The following RASSF5 variants were observed in gnomAD, a reference collection of about 807,000 sequenced individuals.
The protein encoded by RASSF5 is Ras association domain family member 5.
Under a neutral mutation model 40.5 loss-of-function variants are expected in RASSF5, and 25 were observed. The ratio of observed to expected loss-of-function variants is 0.62; its 90% CI spans 0.45 to 0.86. RASSF5 has a LOEUF of 0.86. RASSF5 is among the 40% of genes least tolerant of loss of function. RASSF5 has a pLI of 0.00. For synonymous variants in RASSF5, 246 were observed against 252.4 expected (o/e 0.97, Z 0.24); for missense variants, 521 against 572.8 (o/e 0.91, Z 0.92).
At chr1:206,585,089 C>A in intron 4 of RASSF5, 91 bp from the exon 5 acceptor site, 1 of 888,268 alleles carries the variant, frequency 1.1e-6, no homozygotes, top group Non-Finnish European at 1.8e-6. Flanking sequence ...TTGTACGTAC[C>A]CCACCTCTGC....
At chr1:206,521,532 A>G (rs1666907212) in intron 1 of RASSF5, among the ~76,000 whole-genome samples, 1 of 152,176 alleles carries the variant, frequency 6.6e-6, no homozygotes, top group African/African-American at 2.4e-5. Context: ...TTCATCTGCC[A>G]TCTTGCAGTT....
intron 1 of RASSF5, among the ~76,000 whole-genome samples, chr1:206,522,635 A>T (rs965819358): frequency 6.6e-6 from 1 of 152,064 alleles, no homozygotes; most frequent in African/African-American, 2.4e-5. Flanking sequence ...CTGCTCTGTG[A>T]TGTGCACTGA....
At chr1:206,524,197 C>T (rs1440846950) in intron 1 of RASSF5, among the ~76,000 whole-genome samples, 5 of 133,134 alleles carry the variant, frequency 3.8e-5, no homozygotes, top group Non-Finnish European at 7.7e-5. Context: ...ATATAGATAC[C>T]ATATGTAATA....
At chr1:206,508,322 C>CCACA (rs368124193) in intron 1 of RASSF5, among the ~76,000 whole-genome samples, 7,400 of 146,566 alleles carry the variant, frequency 0.05, 385 homozygotes, top group African/African-American at 0.14. Flanking sequence ...CCTTGGCCCT[C>CCACA]CACACACACA....
chr1:206,574,014 C>G (rs538172499), intron 2 of RASSF5, among the ~76,000 whole-genome samples: 5 of 152,348 alleles, frequency 3.3e-5, no homozygotes, highest in African/African-American at 1.2e-4. Context: ...TAAATGAGAT[C>G]AGGACCTTGA....
In RASSF5 at chr1:206,576,196, C is replaced by T. The variant is rs117747787; in HGVS notation, c.580-7073C>T. On this transcript the variant is annotated intron_variant, in intron 2 of 5. Coordinates refer to ENST00000579436, the MANE Select transcript of RASSF5 (RefSeq NM_182663.4). ...TATAATTAGATGCCAGCTGTAGCCACACAGGCTCTGAAATCACCTCTATAG... is the reference window on the plus strand; with the variant it reads ...TATAATTAGATGCCAGCTGTAGCCATACAGGCTCTGAAATCACCTCTATAG... Among the ~76,000 whole-genome samples, 1,513 of 152,366 alleles carry T rather than the reference C, an allele frequency of 9.9e-3. 23 individuals carry two copies. Among genetic ancestry groups the T allele is most frequent in the South Asian group, 0.065 (313 of 4,830 alleles).
chr1:206,543,946 G>A (rs1364399891), intron 2 of RASSF5: 4 of 152,058 alleles, frequency 2.6e-5, no homozygotes, highest in African/African-American at 4.8e-5. Flanking sequence ...TAGACACAGG[G>A]TTTCACCATG....
At chr1:206,583,141 A>C (rs1668960310) in intron 2 of RASSF5, 128 bp from the exon 3 acceptor site, 2 of 659,490 alleles carry the variant, frequency 3.0e-6, no homozygotes. Flanking sequence ...GAGTCCGTGC[A>C]GTTAGTTCCA....
At chr1:206,581,073 C>T (rs1186352709) in intron 2 of RASSF5, 1 of 152,144 alleles carries the variant, frequency 6.6e-6, no homozygotes, top group Non-Finnish European at 1.5e-5. Flanking sequence ...GAGCATGGGC[C>T]TTAGATGGAT....
intron 1 of RASSF5, among the ~76,000 whole-genome samples, chr1:206,512,790 G>T (rs1432602457): frequency 1.3e-5 from 2 of 152,232 alleles, no homozygotes; most frequent in Non-Finnish European, 2.9e-5. Flanking sequence ...GGAAGCTGCC[G>T]CAAGGCCGAA....
chr1:206,554,898 A>G (rs145507285), intron 2 of RASSF5, among the ~76,000 whole-genome samples: 2 of 152,290 alleles, frequency 1.3e-5, no homozygotes, highest in African/African-American at 2.4e-5. Flanking sequence ...CTTCTTACAC[A>G]TGGCTTTCTT....
chr1:206,520,513 C>T (rs1298877287), intron 1 of RASSF5, among the ~76,000 whole-genome samples: 8 of 150,428 alleles, frequency 5.3e-5, no homozygotes, highest in Non-Finnish European at 8.8e-5. Flanking sequence ...AGGCTGAGGC[C>T]GGAGAATTGC....
At chr1:206,520,621 A>G (rs1337749705) in intron 1 of RASSF5, among the ~76,000 whole-genome samples, 1 of 151,254 alleles carries the variant, frequency 6.6e-6, no homozygotes, top group Non-Finnish European at 1.5e-5. Context: ...AAAAAAAAAA[A>G]AGAGAAAAGA....
intron 2 of RASSF5, chr1:206,543,679 G>C (rs1667604905): frequency 6.6e-6 from 1 of 152,198 alleles, no homozygotes; most frequent in Non-Finnish European, 1.5e-5. Flanking sequence ...AAGGGGTAGA[G>C]TGAGGCTCTC....
chr1:206,557,224 G>C, intron 2 of RASSF5: 1 of 1,077,846 alleles, frequency 9.3e-7, no homozygotes, highest in South Asian at 3.5e-5. Context: ...CGGAGATGGC[G>C]CTCTGCACGG....
intron 1 of RASSF5, among the ~76,000 whole-genome samples, chr1:206,522,676 T>C (rs1553396318): frequency 6.6e-6 from 1 of 151,956 alleles, no homozygotes; most frequent in Non-Finnish European, 1.5e-5. Flanking sequence ...CTCTTTCTGC[T>C]CCCTCCACAT....
At chr1:206,561,825 C>T (rs1668154831) in intron 2 of RASSF5, among the ~76,000 whole-genome samples, 1 of 142,686 alleles carries the variant, frequency 7.0e-6, no homozygotes, top group South Asian at 2.3e-4. Context: ...ACCACCACAC[C>T]CAGCTAAGTT....
In RASSF5 at chr1:206,535,978, G is replaced by T. The variant is rs374029482; in HGVS notation, c.458-2194G>T. ...TGGCATCCTCAGAGCATTCTTCATCGCTCAGAGCTCTACCAGAGCCATACA... is the reference window on the plus strand; with the variant it reads ...TGGCATCCTCAGAGCATTCTTCATCTCTCAGAGCTCTACCAGAGCCATACA... On this transcript the variant is annotated intron_variant, in intron 1 of 5. Transcript: ENST00000579436. This position sits in a 1 kb window ranked among gnomAD's most constrained non-coding sequence, Gnocchi z 5.0. Among the ~76,000 whole-genome samples the T allele has an allele frequency of 1.2e-4, 18 of 152,032 alleles. 1 individual carries two copies. Among genetic ancestry groups the T allele is most frequent in the Middle Eastern group, 6.8e-3 (2 of 294 alleles).
At chr1:206,582,685 T>C (rs1205915700) in intron 2 of RASSF5, among the ~76,000 whole-genome samples, 1 of 152,230 alleles carries the variant, frequency 6.6e-6, no homozygotes, top group African/African-American at 2.4e-5. Context: ...CTTCTTGCTA[T>C]GTGAAAAGCA....
Sources: allele counts gnomAD v4.1 joint callset (sites outside exome capture counted in the v4.1 genomes callset), GRCh38; gene constraint gnomAD v4.1.1; non-coding constraint Gnocchi (gnomAD v3.1); transcripts MANE v1.5; gene names NCBI Gene and HGNC (gene_info 2026-07-23, HGNC 2026-07-21).